NEO1: variants seen among roughly 807,000 people sequenced by gnomAD.
NEO1 encodes the protein neogenin 1.
In NEO1, 63 loss-of-function variants were observed where a neutral mutation model predicts 159.7. The observed-to-expected ratio is 0.39, with a 90% confidence interval of 0.32 to 0.49. The LOEUF (loss-of-function observed/expected upper bound fraction) is 0.49. Among genes scored for constraint, NEO1 ranks in the 20% least tolerant of loss-of-function variants. The probability of loss-of-function intolerance (pLI) is 0.85; values close to 1 mark genes in which losing one functional copy is unlikely to be tolerated. For missense variants in NEO1, 1,615 were observed against 1,831.0 expected (o/e 0.88, Z 2.15); for synonymous variants, 633 against 662.0 (o/e 0.96, Z 0.67).
intron 23 of NEO1, among the ~76,000 whole-genome samples, chr15:73,283,872 G>T (rs2041833242): frequency 6.6e-6 from 1 of 152,140 alleles, no homozygotes; most frequent in Non-Finnish European, 1.5e-5. Context: ...CTAAGTTTAA[G>T]AATATTTTTA....
At chr15:73,119,323 A>C (rs950394628) in intron 2 of NEO1, among the ~76,000 whole-genome samples, 1 of 152,232 alleles carries the variant, frequency 6.6e-6, no homozygotes, top group Admixed American at 6.5e-5. Context: ...AATCTAAAAG[A>C]CTTAGAGTTT....
rs140643657 is a variant in NEO1 at position 73,213,782 on chromosome 15, C to A, written c.1292-22565C>A. On this transcript the variant is annotated intron_variant, in intron 7 of 28. Transcript: ENST00000261908. Reference sequence around the variant, plus strand: ...TGACTTATTTTCCTCTGGGTAGATACCCAGTAGTGGGATTGCTGGATCAAA... The same window carrying A: ...TGACTTATTTTCCTCTGGGTAGATAACCAGTAGTGGGATTGCTGGATCAAA... Among the ~76,000 whole-genome samples the A allele has an allele frequency of 9.5e-3, 1,449 of 152,250 alleles. 29 individuals are homozygous for A. The highest frequency in any genetic ancestry group is 0.033 in the African/African-American group (1,379 of 41,530).
chr15:73,293,671 A>ATTTTT (rs2042245289), intron 26 of NEO1, 123 bp downstream of exon 26: 1 of 1,071,772 alleles, frequency 9.3e-7, no homozygotes, highest in African/African-American at 1.6e-5. Flanking sequence ...TTAACTTAGC[A>ATTTTT]TAACATTTCT....
intron 7 of NEO1, among the ~76,000 whole-genome samples, chr15:73,185,644 G>C (rs557117391): frequency 6.6e-6 from 1 of 152,072 alleles, no homozygotes; most frequent in African/African-American, 2.4e-5. Context: ...ACCCAGATGA[G>C]TTGAAAATTT....
chr15:73,267,990 T>C (rs1165255782), intron 16 of NEO1, among the ~76,000 whole-genome samples: 2 of 152,220 alleles, frequency 1.3e-5, no homozygotes, highest in African/African-American at 4.8e-5. Flanking sequence ...AAGGCTTACC[T>C]TTCCTGAAGG....
intron 28 of NEO1, chr15:73,301,672 T>TC (rs2042621057): frequency 1.7e-6 from 1 of 573,784 alleles, no homozygotes; most frequent in Non-Finnish European, 3.0e-6. Flanking sequence ...CCATATCCAC[T>TC]CTTTTTTTTT....
intron 7 of NEO1, among the ~76,000 whole-genome samples, chr15:73,217,835 A>G (rs1029893850): frequency 7.2e-5 from 11 of 152,192 alleles, no homozygotes; most frequent in Admixed American, 2.0e-4. Context: ...GGTTGAGACA[A>G]TGGGGTTTTC....
At chr15:73,164,019 A>ATTTTTTTTTTTTT (rs57049110) in intron 5 of NEO1, among the ~76,000 whole-genome samples, 4 of 123,686 alleles carry the variant, frequency 3.2e-5, no homozygotes, top group African/African-American at 1.1e-4. Context: ...TCTTTTTCTT[A>ATTTTTTTTTTTTT]TTTTTTTTTT....
chr15:73,184,323 C>CTT, intron 7 of NEO1, among the ~76,000 whole-genome samples: 1 of 151,944 alleles, frequency 6.6e-6, no homozygotes, highest in Non-Finnish European at 1.5e-5. Context: ...GCCTGGCTAA[C>CTT]TTTTGTATTT....
intron 4 of NEO1, among the ~76,000 whole-genome samples, chr15:73,131,856 A>G (rs1382367894): frequency 1.3e-5 from 2 of 152,182 alleles, no homozygotes; most frequent in Non-Finnish European, 2.9e-5. Context: ...TGCCACACTG[A>G]TTTCTTTTAG....
intron 5 of NEO1, among the ~76,000 whole-genome samples, chr15:73,140,904 GACAAA>G (rs939324173): frequency 2.6e-5 from 4 of 152,142 alleles, no homozygotes; most frequent in African/African-American, 9.7e-5. Flanking sequence ...TTCAAAAACA[GACAAA>G]ACTAATCTAT....
intron 5 of NEO1, among the ~76,000 whole-genome samples, chr15:73,173,650 A>G (rs952014017): frequency 3.3e-5 from 5 of 152,354 alleles, no homozygotes; most frequent in South Asian, 2.1e-4. Flanking sequence ...AAATTTTACC[A>G]TATGCAAACG....
At chr15:73,278,085 C>T (rs1217910261) in intron 21 of NEO1, 46 bp from the exon 22 acceptor site, 62 of 1,554,386 alleles carry the variant, frequency 4.0e-5, no homozygotes, top group Middle Eastern at 1.7e-4. Flanking sequence ...TGGACTGTCA[C>T]GCCAAATGTG....
At chr15:73,053,355 G>C (rs1873913729) in intron 1 of NEO1, among the ~76,000 whole-genome samples, 1 of 152,036 alleles carries the variant, frequency 6.6e-6, no homozygotes, top group African/African-American at 2.4e-5. Context: ...GGTGTCAGAG[G>C]GGCACAATTG....
chr15:73,193,717 T>G (rs2036366161), intron 7 of NEO1, among the ~76,000 whole-genome samples: 1 of 151,256 alleles, frequency 6.6e-6, no homozygotes, highest in African/African-American at 2.4e-5. Context: ...TGCTAATTTA[T>G]TGAATCTGAA....
intron 3 of NEO1, among the ~76,000 whole-genome samples, chr15:73,125,282 T>C (rs186746922): frequency 7.2e-4 from 109 of 152,360 alleles, no homozygotes; most frequent in Non-Finnish European, 1.4e-3. Flanking sequence ...AGAGGTGGAT[T>C]AATGTCAGTC....
chr15:73,232,185 C>T (rs540002426), intron 7 of NEO1, among the ~76,000 whole-genome samples: 101 of 152,280 alleles, frequency 6.6e-4, no homozygotes, highest in African/African-American at 2.4e-3. Flanking sequence ...CTCTTCCTCC[C>T]ACCCCCTAGC....
chr15:73,272,511 A>G lies in NEO1; in HGVS notation c.2914A>G (p.Thr972Ala), dbSNP rs2041218963. 6.2e-7 allele frequency: 1 copy of G among 1,614,032 alleles called. No individual in the cohort carries two copies. Among genetic ancestry groups the G allele is most frequent in the Non-Finnish European group, 8.5e-7 (1 of 1,179,912 alleles). The change falls in exon 19 of 29, where the codon ACC becomes GCC. Residue 972 changes from threonine (T) to alanine (A), a missense_variant. Thr to Ala is a moderately conservative substitution (Grantham distance 58). Coordinates refer to ENST00000261908, the MANE Select transcript of NEO1 (RefSeq NM_002499.4). ...TVVSKEGKPK[T>A]IIVNWQPPSE... ...TGTGAGTAAAGAGGGGAAACCTAAG[A>G]CCATAATTGTGAATTGGCAGCCTCC...
chr15:73,065,651 C>T (rs2068178087), intron 1 of NEO1, among the ~76,000 whole-genome samples: 1 of 152,148 alleles, frequency 6.6e-6, no homozygotes, highest in Admixed American at 6.5e-5. Context: ...TTATGGTTGT[C>T]AGAAATGTCA....
Sources: gnomAD v4.1 joint callset for allele counts (sites outside exome capture counted in the v4.1 genomes callset) on GRCh38, gnomAD v4.1.1 for gene constraint, MANE v1.5 for transcripts, NCBI Gene and HGNC (gene_info 2026-07-23, HGNC 2026-07-21) for gene names.